BRD3: variants seen among roughly 807,000 people sequenced by gnomAD.
BRD3 encodes the protein bromodomain containing 3, also known as bromodomain-containing protein 3.
Under a neutral mutation model 66.8 loss-of-function variants are expected in BRD3, and 17 were observed. The observed-to-expected ratio is 0.25, with a 90% CI of 0.17 to 0.38. The LOEUF (loss-of-function observed/expected upper bound fraction) is 0.38, where lower values mean the gene tolerates loss of function less well. Among genes scored for constraint, BRD3 ranks in the 10% least tolerant of loss-of-function variants. The pLI is 1.00. For synonymous variants in BRD3, 421 were observed against 393.2 expected (o/e 1.07, Z -0.84); for missense variants, 713 against 956.1 (o/e 0.75, Z 3.35).
At chr9:134,049,508 G>A (rs993081625) in intron 5 of BRD3, among the ~76,000 whole-genome samples, 13 of 152,218 alleles carry the variant, frequency 8.5e-5, no homozygotes, top group African/African-American at 2.9e-4. Flanking sequence ...AGCGCCAGGC[G>A]CGTGCCGCAC....
At position 134,045,806 on chromosome 9, in the gene BRD3, G is replaced by A. The variant is rs532260843; in HGVS notation, c.1087-385C>T. 1.2e-4 allele frequency among the ~76,000 whole-genome samples: 18 copies of A among 152,308 alleles called. No individual in the cohort carries two copies. The South Asian group carries it at 2.9e-3, about 25-fold the overall frequency. ...CACGCCATCAGCAGCCCCAGGGGGC[G>A]TGAGGCTGCAGCAAAGTCAGACTCC... On this transcript the variant is annotated intron_variant, in intron 6 of 11. Transcript: ENST00000303407. This position sits in a 1 kb window ranked among gnomAD's most constrained non-coding sequence, Gnocchi z 4.8.
chr9:134,066,874 TCGAA>T (rs1375811676), intron 1 of BRD3, among the ~76,000 whole-genome samples: 1 of 152,090 alleles, frequency 6.6e-6, no homozygotes, highest in East Asian at 1.9e-4. Flanking sequence ...AAGGATTGGG[TCGAA>T]CGGAGGAACC....
rs989636375 is a variant in BRD3, at chr9:134,031,843, C to T, written c.*1747G>A. The T allele has an allele frequency of 1.8e-5, 4 of 221,524 alleles. No individual in the cohort carries two copies. The highest frequency in any genetic ancestry group is 6.6e-5 in the East Asian group (1 of 15,242). The allele number at this position is 221,524 out of a possible 1,614,324, so 13.7% of individuals were successfully genotyped here. ...GACCACACCACAGCTCCATACCCAG[C>T]GTCTGCCTGGAGGCTCCCCCACGCT... On this transcript the variant is annotated 3_prime_UTR_variant, in exon 12 of 12. Coordinates refer to ENST00000303407, the MANE Select transcript of BRD3 (RefSeq NM_007371.4).
Position 134,030,589 on chromosome 9 carries a change from G to T in BRD3, c.*3001C>A. The T allele has an allele frequency of 4.5e-6, 1 of 221,108 alleles. No homozygotes were observed. The highest frequency in any genetic ancestry group is 9.0e-6 in the Non-Finnish European group (1 of 110,532). The allele number at this position is 221,108 out of a possible 1,614,324, so 13.7% of individuals were successfully genotyped here. ...AAAGTAACATTTTAAATATAAAAAA[G>T]AAAAACTTCCTGGAAGCATTATGCC... On this transcript the variant is annotated 3_prime_UTR_variant, in exon 12 of 12. Transcript: ENST00000303407.
intron 1 of BRD3, among the ~76,000 whole-genome samples, chr9:134,059,748 G>C (rs550291558): frequency 2.7e-4 from 41 of 152,320 alleles, no homozygotes; most frequent in African/African-American, 9.9e-4. Context: ...CCCTCCAGTG[G>C]TGAAGGGGCT....
At position 134,036,731 on chromosome 9, in the gene BRD3, G is replaced by A. The variant is rs192108044; in HGVS notation, c.1644-407C>T. 1.1e-3 allele frequency: 926 copies of A among 817,372 alleles called. 3 individuals are homozygous for A. The highest frequency in any genetic ancestry group is 2.9e-3 in the Middle Eastern group (10 of 3,486). The allele number at this position is 817,372 out of a possible 1,614,324, so 50.6% of individuals were successfully genotyped here. ...TGTGAAATATAAACGGTCTAGGGCC[G>A]GGCGCGGTGGCTCACGCCTGTAATC... On this transcript the variant is annotated intron_variant, in intron 9 of 11. Transcript: ENST00000303407.
chr9:134,045,153 C>CG lies in BRD3; in HGVS notation c.1215+139dup. 1.6e-6 allele frequency: 2 copies of CG among 1,255,576 alleles called. No homozygotes were observed. Among genetic ancestry groups the CG allele is most frequent in the South Asian group, 3.1e-5 (2 of 65,320 alleles). 77.8% of individuals were successfully genotyped at this position (1,255,576 alleles called of 1,614,324 possible). On this transcript the variant is annotated intron_variant, in intron 7 of 11. Transcript: ENST00000303407. The surrounding 1 kb of genome is among the most constrained non-coding windows in gnomAD (Gnocchi z 4.8). ...GCCTGACAGGGACCTGGTTGGCACT[C>CG]GGGAAAAAGGTGTTGAGGGAATGAG...
At chr9:134,048,916 C>A (rs895497475) in intron 5 of BRD3, among the ~76,000 whole-genome samples, 8 of 152,180 alleles carry the variant, frequency 5.3e-5, no homozygotes, top group African/African-American at 1.9e-4. Flanking sequence ...GGGGGCTCCG[C>A]GGACAAACAC....
intron 1 of BRD3, among the ~76,000 whole-genome samples, chr9:134,064,712 A>G (rs1241744541): frequency 1.3e-5 from 2 of 152,086 alleles, no homozygotes; most frequent in African/African-American, 4.8e-5. Flanking sequence ...AATACAAACA[A>G]ACAAACAAAT....
At position 134,032,439 on chromosome 9, in the gene BRD3, CAAAAAAAA is replaced by C; in HGVS notation, c.*1143_*1150del. 1 of 114,488 alleles carries C rather than the reference CAAAAAAAA, an allele frequency of 8.7e-6. No homozygotes were observed. Among genetic ancestry groups the C allele is most frequent in the Non-Finnish European group, 1.7e-5 (1 of 60,492 alleles). The allele number at this position is 114,488 out of a possible 1,614,324, so 7.1% of individuals were successfully genotyped here. A position where few individuals can be genotyped will look rare whatever the true frequency, so the allele number is the denominator to read the frequency against. ...TACCTGTAAGCCTCCAAGTTTCATA[CAAAAAAAA>C]AAAAAAAAAAAAACCACAAAGAAAA... On this transcript the variant is annotated 3_prime_UTR_variant, in exon 12 of 12. Coordinates refer to ENST00000303407, the MANE Select transcript of BRD3 (RefSeq NM_007371.4).
chr9:134,047,434 T>C (rs929563777), intron 6 of BRD3, among the ~76,000 whole-genome samples: 20 of 152,166 alleles, frequency 1.3e-4, no homozygotes, highest in African/African-American at 4.6e-4. Context: ...GAGCTCACCC[T>C]GGCTTGGGGC....
At chr9:134,039,704 A>G (rs12351241) in intron 9 of BRD3, among the ~76,000 whole-genome samples, 5,321 of 152,272 alleles carry the variant, frequency 0.035, 332 homozygotes, top group African/African-American at 0.12. Flanking sequence ...CCTATGGGCA[A>G]GTCCAAAACG....
chr9:134,067,417 G>C (rs1446005941), intron 1 of BRD3, among the ~76,000 whole-genome samples: 1 of 150,236 alleles, frequency 6.7e-6, no homozygotes. Context: ...CGGCTCGGGA[G>C]CGAGGCCGGC....
At chr9:134,042,077 G>A (rs768947538) in intron 7 of BRD3, 126 bp from the exon 8 acceptor site, 1 of 1,124,118 alleles carries the variant, frequency 8.9e-7, no homozygotes, top group Non-Finnish European at 1.2e-6. Flanking sequence ...GTGGGGCTAG[G>A]AGGAGACAGG....
intron 4 of BRD3, among the ~76,000 whole-genome samples, chr9:134,051,267 G>T (rs968690538): frequency 6.6e-6 from 1 of 152,226 alleles, no homozygotes; most frequent in Non-Finnish European, 1.5e-5. Context: ...GGAGCTGGAA[G>T]GGGGAGCAGG....
chr9:134,046,378 C>A lies in BRD3; in HGVS notation c.1087-957G>T, dbSNP rs940661515. 5.9e-5 allele frequency among the ~76,000 whole-genome samples: 9 copies of A among 152,304 alleles called. No individual in the cohort carries two copies. In the East Asian group the frequency reaches 9.7e-4, roughly 16 times the overall value. On this transcript the variant is annotated intron_variant, in intron 6 of 11. Transcript: ENST00000303407. ...GTCGGGGACCTCGAGGGACGACACA[C>A]GCAAGGGCAAGGCAAATCTACCCCG...
Position 134,031,176 on chromosome 9 carries a change from C to T in BRD3, c.*2414G>A. ...GTGGCTTCTTTCTAGATGAAAGGAG[C>T]AGAGGCGAGCCGACGCCACCGTCAC... is the stretch of plus-strand genomic sequence containing the variant. On this transcript the variant is annotated 3_prime_UTR_variant, in exon 12 of 12. Coordinates refer to ENST00000303407, the MANE Select transcript of BRD3 (RefSeq NM_007371.4). The T allele has an allele frequency of 4.5e-6, 1 of 224,468 alleles. No homozygotes were observed. Among genetic ancestry groups the T allele is most frequent in the Non-Finnish European group, 8.9e-6 (1 of 112,602 alleles). The allele number at this position is 224,468 out of a possible 1,614,324, so 13.9% of individuals were successfully genotyped here.
intron 5 of BRD3, among the ~76,000 whole-genome samples, chr9:134,048,699 C>T (rs936562996): frequency 1.3e-5 from 2 of 152,126 alleles, no homozygotes; most frequent in East Asian, 3.9e-4. Flanking sequence ...CTCACCTGGG[C>T]GAGGGGAGAT....
intron 9 of BRD3, among the ~76,000 whole-genome samples, chr9:134,036,900 ATG>A (rs1829930358): frequency 6.6e-6 from 1 of 152,122 alleles, no homozygotes; most frequent in Admixed American, 6.5e-5. Flanking sequence ...AGTCCCAGCT[ATG>A]CGGGAGGCTG....
Sources: gnomAD v4.1 joint callset for allele counts (sites outside exome capture counted in the v4.1 genomes callset) on GRCh38, gnomAD v4.1.1 for gene constraint, Gnocchi (gnomAD v3.1) non-coding constraint, MANE v1.5 for transcripts, NCBI Gene and HGNC (gene_info 2026-07-23, HGNC 2026-07-21) for gene names.